Variants in RFC1 observed in about 807,000 individuals in gnomAD.
RFC1 encodes replication factor C subunit 1, also known as A1 140 kDa subunit.
A neutral mutation model predicts 137.4 loss-of-function variants in RFC1; 37 were observed. The observed-to-expected ratio is 0.27, with a 90% CI of 0.21 to 0.35. The LOEUF is 0.35. Among genes scored for constraint, RFC1 ranks in the 10% least tolerant of loss-of-function variants. The probability of loss-of-function intolerance (pLI) is 1.00; values close to 1 mark genes in which losing one functional copy is unlikely to be tolerated. For synonymous variants in RFC1, 429 were observed against 455.7 expected (o/e 0.94, Z 0.75); for missense variants, 1,205 against 1,358.5 (o/e 0.89, Z 1.78).
intron 6 of RFC1, among the ~76,000 whole-genome samples, chr4:39,323,654 A>G (rs796679195): frequency 1.3e-5 from 2 of 152,182 alleles, no homozygotes; most frequent in African/African-American, 4.8e-5. Flanking sequence ...AAGTGAGCAT[A>G]TTTTTAAAGT....
At chr4:39,290,371 T>TA (rs11343926) in intron 23 of RFC1, among the ~76,000 whole-genome samples, 122 of 142,520 alleles carry the variant, frequency 8.6e-4, no homozygotes, top group Middle Eastern at 3.5e-3. Context: ...AGATTCTGTC[T>TA]AAAAAAAAAA....
At chr4:39,355,098 TACAC>T (rs59438877) in intron 1 of RFC1, among the ~76,000 whole-genome samples, 1,854 of 88,976 alleles carry the variant, frequency 0.021, 59 homozygotes, top group African/African-American at 0.079. Context: ...AAAAAAAAAA[TACAC>T]ACACACACAC....
chr4:39,350,835 T>C (rs1741146515), intron 2 of RFC1, among the ~76,000 whole-genome samples: 1 of 152,160 alleles, frequency 6.6e-6, no homozygotes, highest in South Asian at 2.1e-4. Flanking sequence ...GTGCATAAAA[T>C]AAAAACAGCA....
chr4:39,288,565 C>T lies in RFC1; in HGVS notation c.*196G>A, dbSNP rs1172661097. 4 of 513,938 alleles carry T rather than the reference C, an allele frequency of 7.8e-6. No individual in the cohort carries two copies. The highest frequency in any genetic ancestry group is 1.4e-5 in the Non-Finnish European group (4 of 287,266). The allele number at this position is 513,938 out of a possible 1,614,324, so 31.8% of individuals were successfully genotyped here. ...CAGTGGAGGACCCAAGCAGTCCTAT[C>T]AACCTCTATAAGAGGTGTACATAAG... is the stretch of plus-strand genomic sequence containing the variant. On this transcript the variant is annotated 3_prime_UTR_variant, in exon 25 of 25. Coordinates refer to ENST00000349703, the MANE Select transcript of RFC1 (RefSeq NM_002913.5).
At chr4:39,345,712 G>A (rs1740825420) in intron 2 of RFC1, among the ~76,000 whole-genome samples, 1 of 152,040 alleles carries the variant, frequency 6.6e-6, no homozygotes, top group South Asian at 2.1e-4. Flanking sequence ...AGTAGAGACG[G>A]GGCTATCCTT....
intron 4 of RFC1, among the ~76,000 whole-genome samples, chr4:39,329,527 G>A (rs1012669819): frequency 6.6e-6 from 1 of 151,126 alleles, no homozygotes; most frequent in African/African-American, 2.4e-5. Context: ...TTGTGCCTCT[G>A]TACTCCAGCC....
At chr4:39,328,378 A>G (rs1739892603) in intron 4 of RFC1, among the ~76,000 whole-genome samples, 2 of 152,260 alleles carry the variant, frequency 1.3e-5, no homozygotes, top group South Asian at 4.1e-4. Context: ...GGAAACAGAT[A>G]TACAAATAAA....
Position 39,320,475 on chromosome 4 carries a change from G to A in RFC1, c.1003C>T (p.Pro335Ser). The A allele has an allele frequency of 6.2e-7, 1 of 1,604,248 alleles. No homozygotes were observed. Among genetic ancestry groups the A allele is most frequent in the Non-Finnish European group, 8.5e-7 (1 of 1,177,274 alleles). Residue 335 changes from proline (P) to serine (S), a missense_variant, in exon 9 of 25, where the codon CCT becomes TCT. This residue lies in a region of RFC1 where 962 missense variants were observed against 1,035.3 expected (regional missense o/e 0.93). Coordinates refer to ENST00000349703, the MANE Select transcript of RFC1 (RefSeq NM_002913.5). ...TTTTCTTTTCTTTTTGAGGCCACAG[G>A]CTCTATTTCTTTATAAGAGCTCTCT... ...KEESSYKEIE[P>S]VASKRKENAI...
chr4:39,331,988 T>C (rs1270355950), intron 4 of RFC1, among the ~76,000 whole-genome samples: 1 of 152,194 alleles, frequency 6.6e-6, no homozygotes, highest in Non-Finnish European at 1.5e-5. Flanking sequence ...GTTCTCGTGA[T>C]AGTGAATAAC....
chr4:39,349,726 C>T (rs1013104835), intron 2 of RFC1, among the ~76,000 whole-genome samples: 5 of 152,130 alleles, frequency 3.3e-5, no homozygotes, highest in South Asian at 2.1e-4. Flanking sequence ...GCTACTAGGC[C>T]GGGCACGGTG....
intron 4 of RFC1, among the ~76,000 whole-genome samples, chr4:39,329,519 G>A (rs887583248): frequency 3.3e-5 from 5 of 151,348 alleles, no homozygotes; most frequent in Non-Finnish European, 5.9e-5. Context: ...AGCTGAAATT[G>A]TGCCTCTGTA....
At chr4:39,306,450 T>G in intron 14 of RFC1, 142 bp downstream of exon 14, 1 of 557,974 alleles carries the variant, frequency 1.8e-6, no homozygotes, top group South Asian at 2.6e-5. Flanking sequence ...TTCTAAAGGT[T>G]TTATCTTAGA....
In RFC1 at chr4:39,302,526, A is replaced by G; in HGVS notation, c.2410T>C (p.Leu804=). The stretch of plus-strand genomic sequence containing the variant: ...TGTCTGATATCTTGATTGGCTCCCA[A>G]AATTATTTCATTCATAGCTGGAGGG... The part of the protein sequence containing the change: ...IPPPAMNEII[L]GANQDIRQVL... Residue 804 remains leucine, a synonymous_variant, in exon 18 of 25, where the codon TTG becomes CTG. Transcript: ENST00000349703. 1 of 1,609,326 alleles carries G rather than the reference A, an allele frequency of 6.2e-7. No homozygotes were observed. The highest frequency in any genetic ancestry group is 1.1e-5 in the South Asian group (1 of 90,702).
chr4:39,345,475 A>C lies in RFC1; in HGVS notation c.134T>G (p.Val45Gly). 6.2e-7 allele frequency: 1 copy of C among 1,608,830 alleles called. No individual in the cohort carries two copies. Among genetic ancestry groups the C allele is most frequent in the Non-Finnish European group, 8.5e-7 (1 of 1,176,774 alleles). Residue 45 changes from valine to glycine, a missense_variant and splice_region_variant, in exon 3 of 25, where the codon GTA becomes GGA. Val to Gly is a moderately radical substitution (Grantham distance 109, BLOSUM62 -3). Coordinates refer to ENST00000349703, the MANE Select transcript of RFC1 (RefSeq NM_002913.5). The part of the protein sequence containing the change: ...KAKKGIKEIK[V>G]NSSRKEDDFK... ...GTCATCCTCTTTACGGGAGCTATTTACCTATAAACATCACAATATAATTAG... is the reference window on the plus strand; with the variant it reads ...GTCATCCTCTTTACGGGAGCTATTTCCCTATAAACATCACAATATAATTAG...
chr4:39,299,142 A>T (rs907416957), intron 21 of RFC1, among the ~76,000 whole-genome samples: 2 of 152,230 alleles, frequency 1.3e-5, no homozygotes, highest in Non-Finnish European at 2.9e-5. Flanking sequence ...CCTTAAGAAC[A>T]TGCTCCTGCT....
intron 23 of RFC1, 48 bp downstream of exon 23, chr4:39,291,591 A>G (rs536693027): frequency 1.1e-5 from 14 of 1,333,080 alleles, no homozygotes; most frequent in Non-Finnish European, 1.5e-5. Flanking sequence ...TGTCAGTACA[A>G]ACCTGGTAAT....
At chr4:39,294,459 G>A (rs1051473796) in intron 22 of RFC1, among the ~76,000 whole-genome samples, 1 of 151,980 alleles carries the variant, frequency 6.6e-6, no homozygotes, top group African/African-American at 2.4e-5. Context: ...ACCACCTGAG[G>A]TCAGGAGTTC....
intron 21 of RFC1, 125 bp from the exon 22 acceptor site, chr4:39,295,884 G>A: frequency 1.3e-6 from 1 of 767,944 alleles, no homozygotes. Flanking sequence ...TACCTACAGG[G>A]CAGTCAGACC....
chr4:39,364,080 TAA>T (rs34471101), intron 1 of RFC1, among the ~76,000 whole-genome samples: 2,792 of 122,868 alleles, frequency 0.023, 82 homozygotes, highest in African/African-American at 0.076. Context: ...ACCTTGCCTT[TAA>T]AAAAAAAAAA....
Sources: allele counts gnomAD v4.1 joint callset (sites outside exome capture counted in the v4.1 genomes callset), GRCh38; gene constraint gnomAD v4.1.1; regional missense constraint gnomAD v4.1.1; transcripts MANE v1.5; gene names NCBI Gene and HGNC (gene_info 2026-07-23, HGNC 2026-07-21).